SOX5: variants seen among roughly 807,000 people sequenced by gnomAD.
SOX5 encodes SRY-box transcription factor 5.
SOX5 carries 9 observed loss-of-function variants against 92.0 expected under a neutral mutation model. The ratio of observed to expected loss-of-function variants is 0.10; its 90% CI spans 0.06 to 0.17. SOX5 has a LOEUF of 0.17. Among genes scored for constraint, SOX5 ranks in the 10% least tolerant of loss-of-function variants. The pLI, the probability that SOX5 is intolerant of heterozygous loss-of-function variation, is 1.00. For missense variants in SOX5, 642 were observed against 944.5 expected, an observed-to-expected ratio of 0.68 and a Z score of 4.20; for synonymous variants, 344 against 336.3, an observed-to-expected ratio of 1.02 and a Z score of -0.25.
At chr12:24,315,356 A>G (rs1949600406) in intron 2 of SOX5, among the ~76,000 whole-genome samples, 1 of 151,904 alleles carries the variant, frequency 6.6e-6, no homozygotes, top group Non-Finnish European at 1.5e-5. Context: ...AACATATCTT[A>G]CTTGTACTTT....
At chr12:23,985,524 C>G (rs1439728107) in intron 4 of SOX5, among the ~76,000 whole-genome samples, 1 of 152,110 alleles carries the variant, frequency 6.6e-6, no homozygotes, top group Non-Finnish European at 1.5e-5. Flanking sequence ...CCAAATTTGC[C>G]CAAGCTTTCC....
At position 23,826,631 on chromosome 12, in the gene SOX5, T is replaced by C. The variant is rs1037924670; in HGVS notation, c.481+19352A>G. 2.2e-4 allele frequency among the ~76,000 whole-genome samples: 33 copies of C among 152,036 alleles called. 1 individual carries two copies. Among genetic ancestry groups the C allele is most frequent in the East Asian group, 1.9e-4 (1 of 5,172 alleles). On this transcript the variant is annotated intron_variant, in intron 3 of 14. Coordinates refer to ENST00000451604, the MANE Select transcript of SOX5 (RefSeq NM_006940.6). ...CCCCGTTTATGTGTTCACTAAGACA[T>C]GGTATCTTGACACTAATGAAAAATC...
intron 11 of SOX5, among the ~76,000 whole-genome samples, chr12:23,557,821 A>G (rs1313001777): frequency 2.0e-5 from 3 of 152,190 alleles, no homozygotes; most frequent in Middle Eastern, 6.8e-3. Context: ...TGAAAATACA[A>G]AAAAATTAGC....
intron 7 of SOX5, among the ~76,000 whole-genome samples, chr12:23,661,983 T>A (rs74071402): frequency 6.6e-6 from 1 of 152,164 alleles, no homozygotes; most frequent in Non-Finnish European, 1.5e-5. Context: ...AAGTTGACAG[T>A]TTTAATAGAA....
At chr12:24,432,311 T>C (rs1938509107) in intron 1 of SOX5, among the ~76,000 whole-genome samples, 1 of 152,294 alleles carries the variant, frequency 6.6e-6, no homozygotes, top group Non-Finnish European at 1.5e-5. Flanking sequence ...AGTAAGCTCA[T>C]GGAGTTCTTG....
At chr12:23,627,660 C>T (rs775843600) in intron 8 of SOX5, among the ~76,000 whole-genome samples, 2 of 152,050 alleles carry the variant, frequency 1.3e-5, no homozygotes, top group Non-Finnish European at 2.9e-5. Context: ...CAGGTGAAGA[C>T]ACTGAGACTA....
Position 24,083,534 on chromosome 12 carries a change from A to G in SOX5, c.-2+129809T>C, listed in dbSNP as rs537423761. Among the ~76,000 whole-genome samples, 11 of 152,192 alleles carry G rather than the reference A, an allele frequency of 7.2e-5. No homozygotes were observed. In the South Asian group the frequency reaches 2.1e-3, roughly 29 times the overall value. ...GTAATCACTCACTGTGAAGCACTGT[A>G]GGTGCAGAAATAGGTATAACGTTTT... On this transcript the variant is annotated intron_variant, in intron 4 of 4. Transcript: ENST00000446891.
intron 4 of SOX5, among the ~76,000 whole-genome samples, chr12:23,753,644 A>G (rs2094258431): frequency 6.6e-6 from 1 of 151,806 alleles, no homozygotes. Flanking sequence ...TTACATCTTT[A>G]TTTGCCTCAA....
At chr12:23,816,645 A>G (rs570318701) in intron 3 of SOX5, among the ~76,000 whole-genome samples, 1 of 152,296 alleles carries the variant, frequency 6.6e-6, no homozygotes, top group African/African-American at 2.4e-5. Context: ...AGATATCTTA[A>G]GCAAATAAAA....
chr12:24,182,831 A>C (rs986209831), intron 4 of SOX5, among the ~76,000 whole-genome samples: 2 of 152,130 alleles, frequency 1.3e-5, no homozygotes, highest in African/African-American at 4.8e-5. Flanking sequence ...CTCTTGCCTC[A>C]GCCTCCCGAA....
intron 3 of SOX5, among the ~76,000 whole-genome samples, chr12:23,784,900 G>C (rs189224991): frequency 6.6e-6 from 1 of 152,032 alleles, no homozygotes; most frequent in African/African-American, 2.4e-5. Flanking sequence ...AACATAGCAA[G>C]ATCTTTTCTC....
intron 4 of SOX5, among the ~76,000 whole-genome samples, chr12:23,996,196 G>C (rs1391447540): frequency 6.6e-6 from 1 of 152,052 alleles, no homozygotes; most frequent in Non-Finnish European, 1.5e-5. Flanking sequence ...TCTAATCCTT[G>C]GATTGTTACA....
At chr12:23,807,360 A>T (rs978461173) in intron 3 of SOX5, among the ~76,000 whole-genome samples, 5 of 152,200 alleles carry the variant, frequency 3.3e-5, no homozygotes, top group African/African-American at 1.2e-4. Context: ...TAAGGTCATT[A>T]GAGTGGGTCC....
rs942147350 is a variant in SOX5, at chr12:23,532,266, C to T, written c.*1953G>A. ...TATGATCAGCTCCTCCAAGCAAAAC[C>T]CCAGAGCAAGTCTTCTGAGAGAGAG... is the stretch of plus-strand genomic sequence containing the variant. On this transcript the variant is annotated 3_prime_UTR_variant, in exon 15 of 15. Transcript: ENST00000451604. The T allele has an allele frequency of 6.6e-6, 1 of 151,756 alleles. No individual in the cohort carries two copies. The highest frequency in any genetic ancestry group is 1.5e-5 in the Non-Finnish European group (1 of 67,970). 9.4% of individuals were successfully genotyped at this position (151,756 alleles called of 1,614,324 possible).
chr12:23,871,587 G>T (rs1280119068), intron 2 of SOX5, among the ~76,000 whole-genome samples: 2 of 151,924 alleles, frequency 1.3e-5, no homozygotes, highest in East Asian at 1.9e-4. Flanking sequence ...TACTACCAGG[G>T]TTACATCATT....
At chr12:24,256,729 G>T (rs1167052367) in intron 3 of SOX5, among the ~76,000 whole-genome samples, 1 of 152,142 alleles carries the variant, frequency 6.6e-6, no homozygotes, top group Non-Finnish European at 1.5e-5. Flanking sequence ...CTGTCAGCAT[G>T]AAGCATGGCC....
intron 4 of SOX5, among the ~76,000 whole-genome samples, chr12:23,982,018 T>C (rs1949618354): frequency 6.6e-6 from 1 of 152,204 alleles, no homozygotes; most frequent in African/African-American, 2.4e-5. Flanking sequence ...TATCATTTTC[T>C]ATATGTGATC....
intron 2 of SOX5, among the ~76,000 whole-genome samples, chr12:24,288,836 T>G (rs1222839288): frequency 6.6e-6 from 1 of 152,158 alleles, no homozygotes. Context: ...AATTTGGTTC[T>G]CTTTTTACTT....
chr12:23,969,920 A>T (rs1381257239), intron 4 of SOX5, among the ~76,000 whole-genome samples: 2 of 152,210 alleles, frequency 1.3e-5, no homozygotes, highest in African/African-American at 4.8e-5. Flanking sequence ...CATGAGCTCA[A>T]GGACGCAAGT....
Sources: allele counts gnomAD v4.1 joint callset (sites outside exome capture counted in the v4.1 genomes callset), GRCh38; gene constraint gnomAD v4.1.1; transcripts MANE v1.5; gene names NCBI Gene and HGNC (gene_info 2026-07-23, HGNC 2026-07-21).